Variants in RBPMS observed in about 807,000 individuals in gnomAD.
RBPMS encodes the protein RNA-binding protein with multiple splicing.
RBPMS carries 7 observed loss-of-function variants against 26.8 expected under a neutral mutation model. The observed-to-expected ratio is 0.26, with a 90% confidence interval of 0.15 to 0.49. RBPMS has a LOEUF of 0.49. RBPMS is among the 20% of genes least tolerant of loss of function. RBPMS has a pLI of 0.98. For missense variants in RBPMS, 186 were observed against 250.0 expected, an observed-to-expected ratio of 0.74 and a Z score of 1.73; for synonymous variants, 96 against 93.3, an observed-to-expected ratio of 1.03 and a Z score of -0.17.
chr8:30,556,507 T>C (rs1826930877), intron 6 of RBPMS: 3 of 985,748 alleles, frequency 3.0e-6, no homozygotes, highest in Middle Eastern at 5.1e-4. Context: ...CGGGCAGCCC[T>C]CCCCCTCCTG....
intron 3 of RBPMS, among the ~76,000 whole-genome samples, chr8:30,478,398 GAGA>G (rs1817918204): frequency 6.6e-6 from 1 of 152,062 alleles, no homozygotes; most frequent in South Asian, 2.1e-4. Flanking sequence ...TCTGGCTCAT[GAGA>G]AGAATGATCT....
In RBPMS at chr8:30,433,435, A is replaced by G. The variant is rs182935615; in HGVS notation, c.67-41344A>G. Among the ~76,000 whole-genome samples, 487 of 152,320 alleles carry G rather than the reference A, an allele frequency of 3.2e-3. 3 individuals are homozygous for G. Among genetic ancestry groups the G allele is most frequent in the Middle Eastern group, 6.8e-3 (2 of 294 alleles). On this transcript the variant is annotated intron_variant, in intron 1 of 8. Transcript: ENST00000397323. The stretch of plus-strand genomic sequence containing the variant: ...TTACCAGGTTCTACCCAAAAGTTGT[A>G]TCATGATCAAGGATCGCTTGAACCC...
At chr8:30,527,618 T>G (rs1463090338) in intron 5 of RBPMS, among the ~76,000 whole-genome samples, 1 of 152,152 alleles carries the variant, frequency 6.6e-6, no homozygotes, top group Admixed American at 6.5e-5. Flanking sequence ...TGCTGTGGGC[T>G]TCATGATCCA....
In RBPMS at chr8:30,568,490, T is replaced by C. The variant is rs79737505; in HGVS notation, c.*111+2130T>C. On this transcript the variant is annotated intron_variant, in intron 8 of 8. Coordinates refer to ENST00000397323, the MANE Select transcript of RBPMS (RefSeq NM_001008710.3). ...ACCAAAGACCCAAAATGCAGTGTTT[T>C]AGAATTGTGTAATATTCCTTAAGAG... Among the ~76,000 whole-genome samples the C allele has an allele frequency of 4.8e-3, 728 of 152,300 alleles. 4 individuals are homozygous for C. The highest frequency in any genetic ancestry group is 0.017 in the African/African-American group (698 of 41,586).
intron 4 of RBPMS, among the ~76,000 whole-genome samples, chr8:30,494,110 A>G (rs777692362): frequency 2.6e-5 from 4 of 152,166 alleles, no homozygotes; most frequent in Non-Finnish European, 4.4e-5. Context: ...TCTAAGATCT[A>G]CTCAGACTGT....
At position 30,549,652 on chromosome 8, in the gene RBPMS, T is replaced by G. The variant is rs376035117; in HGVS notation, c.528+5028T>G. On this transcript the variant is annotated intron_variant, in intron 6 of 8. Transcript: ENST00000397323. Reference sequence around the variant, plus strand: ...GAGGGGCGGACGGGGAGGCCAGGCCTCATGCTCACAGCGCCAGCCTCCTGT... The same window carrying G: ...GAGGGGCGGACGGGGAGGCCAGGCCGCATGCTCACAGCGCCAGCCTCCTGT... 32 of 1,224,712 alleles carry G rather than the reference T, an allele frequency of 2.6e-5. No individual in the cohort carries two copies. In the African/African-American group the frequency reaches 3.7e-4, roughly 14 times the overall value. 75.9% of individuals were successfully genotyped at this position (1,224,712 alleles called of 1,614,324 possible).
At chr8:30,430,014 T>C (rs1316273450) in intron 1 of RBPMS, among the ~76,000 whole-genome samples, 1 of 152,192 alleles carries the variant, frequency 6.6e-6, no homozygotes, top group Non-Finnish European at 1.5e-5. Flanking sequence ...CAGGGGCTCA[T>C]GCCTGTAATC....
At chr8:30,433,879 T>C (rs549129643) in intron 1 of RBPMS, among the ~76,000 whole-genome samples, 7 of 152,348 alleles carry the variant, frequency 4.6e-5, no homozygotes, top group African/African-American at 1.7e-4. Flanking sequence ...ATCTAATTGA[T>C]GAATTTCAAA....
chr8:30,517,233 T>TGTGTGC (rs1554533332), intron 5 of RBPMS, among the ~76,000 whole-genome samples: 3 of 144,240 alleles, frequency 2.1e-5, no homozygotes, highest in Non-Finnish European at 4.6e-5. Context: ...TGTGTGTGTG[T>TGTGTGC]GTGTGAAATA....
In RBPMS at chr8:30,451,139, A is replaced by G. The variant is rs113638292; in HGVS notation, c.67-23640A>G. Among the ~76,000 whole-genome samples the G allele has an allele frequency of 7.2e-3, 1,102 of 152,208 alleles. 9 individuals carry two copies. Among genetic ancestry groups the G allele is most frequent in the African/African-American group, 0.024 (1,013 of 41,532 alleles). ...TTATAACAAGTGTGTCCTTTTTTGTAACTGGCTCTGTAGTAGAAGTAGGTG... is the reference window on the plus strand; with the variant it reads ...TTATAACAAGTGTGTCCTTTTTTGTGACTGGCTCTGTAGTAGAAGTAGGTG... On this transcript the variant is annotated intron_variant, in intron 1 of 8. Transcript: ENST00000397323.
intron 1 of RBPMS, among the ~76,000 whole-genome samples, chr8:30,424,993 C>A (rs1022745247): frequency 2.0e-5 from 3 of 152,054 alleles, no homozygotes; most frequent in African/African-American, 7.2e-5. Flanking sequence ...ACTCTGTCAT[C>A]CACCCAGGCT....
At chr8:30,569,692 G>T (rs540725125) in intron 8 of RBPMS, among the ~76,000 whole-genome samples, 1 of 151,852 alleles carries the variant, frequency 6.6e-6, no homozygotes, top group African/African-American at 2.4e-5. Flanking sequence ...CTGCACAGGT[G>T]GCCCTAAGAT....
chr8:30,485,414 GC>G (rs1257456081), intron 4 of RBPMS, among the ~76,000 whole-genome samples: 1 of 152,130 alleles, frequency 6.6e-6, no homozygotes, highest in Non-Finnish European at 1.5e-5. Flanking sequence ...GGTTAAAGAG[GC>G]CCAATTAGTG....
rs1812901521 is a variant in RBPMS at position 30,440,058 on chromosome 8, A to G, written c.67-34721A>G. Among the ~76,000 whole-genome samples, 3 of 152,110 alleles carry G rather than the reference A, an allele frequency of 2.0e-5. No individual in the cohort carries two copies. In the South Asian group the frequency reaches 6.2e-4, roughly 32 times the overall value. ...CAATCAATCAGTCATTCGATCAATC[A>G]ACTGCAGTAAAGTACACAAAACAAA... On this transcript the variant is annotated intron_variant, in intron 1 of 8. Transcript: ENST00000397323.
At chr8:30,446,074 A>G (rs986282155) in intron 1 of RBPMS, among the ~76,000 whole-genome samples, 2 of 152,210 alleles carry the variant, frequency 1.3e-5, no homozygotes, top group Non-Finnish European at 2.9e-5. Context: ...AAAATTGCCA[A>G]AGATCACCTT....
rs965463854 is a variant in RBPMS at position 30,513,468 on chromosome 8, G to A, written c.397+9032G>A. Among the ~76,000 whole-genome samples, 121 of 151,424 alleles carry A rather than the reference G, an allele frequency of 8.0e-4. No individual in the cohort carries two copies. The Middle Eastern group carries it at 0.01, about 13-fold the overall frequency. On this transcript the variant is annotated intron_variant, in intron 5 of 8. Transcript: ENST00000397323. ...GCCGGGAGTGGTGGCAGGCGCCTGT[G>A]GTCCCAGCTACTCGGGAGGCTGAGG...
chr8:30,512,504 A>G (rs970965780), intron 5 of RBPMS, among the ~76,000 whole-genome samples: 5 of 151,920 alleles, frequency 3.3e-5, no homozygotes, highest in Non-Finnish European at 7.4e-5. Context: ...TTTTGAGGTT[A>G]GGTCTTGCTC....
At chr8:30,440,282 C>T (rs1209519286) in intron 1 of RBPMS, among the ~76,000 whole-genome samples, 2 of 152,030 alleles carry the variant, frequency 1.3e-5, no homozygotes. Context: ...CACATTGTTG[C>T]TCCACAACTT....
At chr8:30,389,943 C>A (rs1477762856) in intron 1 of RBPMS, among the ~76,000 whole-genome samples, 1 of 152,120 alleles carries the variant, frequency 6.6e-6, no homozygotes, top group Admixed American at 6.5e-5. Flanking sequence ...CCTGTCCTTA[C>A]CTCTTTGAGC....
Sources: allele counts gnomAD v4.1 joint callset (sites outside exome capture counted in the v4.1 genomes callset), GRCh38; gene constraint gnomAD v4.1.1; transcripts MANE v1.5; gene names NCBI Gene and HGNC (gene_info 2026-07-23, HGNC 2026-07-21).